The following ARAP3 variants were observed in gnomAD, a reference collection of about 807,000 sequenced individuals.
ARAP3 encodes the protein arf-GAP with Rho-GAP domain, ANK repeat and PH domain-containing protein 3.
A neutral mutation model predicts 169.2 loss-of-function variants in ARAP3; 82 were observed. The observed-to-expected ratio is 0.48, with a 90% confidence interval of 0.41 to 0.58. The LOEUF (loss-of-function observed/expected upper bound fraction) is 0.58, where lower values mean the gene tolerates loss of function less well. ARAP3 is among the 20% of genes least tolerant of loss of function. The pLI is 0.00. For missense variants in ARAP3, 1,764 were observed against 2,018.0 expected (o/e 0.87, Z 2.41); for synonymous variants, 791 against 800.3 (o/e 0.99, Z 0.20).
intron 29 of ARAP3, 55 bp downstream of exon 29, chr5:141,656,009 A>G (rs890622957): frequency 1.5e-5 from 24 of 1,613,974 alleles, no homozygotes; most frequent in Non-Finnish European, 1.9e-5. Context: ...GAGGGAAGAG[A>G]AAAGACAGGG....
rs2099911366 is a variant in ARAP3, at chr5:141,671,047, C to A, written c.1990+218G>T. 6.6e-6 allele frequency among the ~76,000 whole-genome samples: 1 copy of A among 152,192 alleles called. No homozygotes were observed. Among genetic ancestry groups the A allele is most frequent in the African/African-American group, 2.4e-5 (1 of 41,424 alleles). On this transcript the variant is annotated intron_variant, in intron 13 of 32. Coordinates refer to ENST00000239440, the MANE Select transcript of ARAP3 (RefSeq NM_022481.6). The surrounding 1 kb of genome is among the most constrained non-coding windows in gnomAD (Gnocchi z 4.9). ...ATGGGTCGGCCCTGTCAGGGGTGGA[C>A]CAGCACTAGCACCTGGAACACCCAG...
At chr5:141,659,995 T>G (rs145906849) in intron 21 of ARAP3, 69 bp from the exon 22 acceptor site, 52 of 1,496,762 alleles carry the variant, frequency 3.5e-5, no homozygotes, top group Non-Finnish European at 4.6e-5. Context: ...GAGTCCCTAT[T>G]GTATGCCTGG....
At chr5:141,678,398 C>T (rs955805015) in intron 4 of ARAP3, among the ~76,000 whole-genome samples, 2 of 152,216 alleles carry the variant, frequency 1.3e-5, no homozygotes, top group African/African-American at 4.8e-5. Context: ...GTTCCAATCA[C>T]TTGCCCTACC....
chr5:141,679,419 T>C (rs2154599306), intron 4 of ARAP3, 126 bp downstream of exon 4: 3 of 902,504 alleles, frequency 3.3e-6, no homozygotes, highest in Non-Finnish European at 5.2e-6. Context: ...AGGTCTGTGA[T>C]ACTCATCCTG....
rs1304061025 is a variant in ARAP3 at position 141,662,249 on chromosome 5, C to T, written c.2807G>A (p.Arg936Gln). 9.9e-6 allele frequency: 16 copies of T among 1,614,014 alleles called. No individual in the cohort carries two copies. In the East Asian group the frequency reaches 1.1e-4, roughly 11 times the overall value. Reference sequence around the variant, plus strand: ...CCCTTTCCGGTATACACCTTCCAGCCGGAGCCCTGAGGAGAGCCAGCCGTC... The same window carrying T: ...CCCTTTCCGGTATACACCTTCCAGCTGGAGCCCTGAGGAGAGCCAGCCGTC... ...CISFVTQHGL[R>Q]LEGVYRKGGA... The change falls in exon 20 of 33, where the codon CGG (arginine) becomes CAG (glutamine). Residue 936 changes from arginine (R) to glutamine (Q), a missense_variant. By Grantham distance (43) the Arg-to-Gln change is conservative. Around this residue, in one of 3 missense-constraint regions of ARAP3, gnomAD observed 1,112 missense variants for 1,285.7 expected, o/e 0.86. Transcript: ENST00000239440.
In ARAP3 at chr5:141,658,681, G is replaced by A. The variant is rs774101782; in HGVS notation, c.3337-28C>T. 6 of 1,560,120 alleles carry A rather than the reference G, an allele frequency of 3.8e-6. No homozygotes were observed. The South Asian group carries it at 7.2e-5, about 19-fold the overall frequency. On this transcript the variant is annotated intron_variant, in intron 23 of 32. Coordinates refer to ENST00000239440, the MANE Select transcript of ARAP3 (RefSeq NM_022481.6). The stretch of plus-strand genomic sequence containing the variant: ...GAGGGGAGGGGTAAAAAAGTCAGAA[G>A]GGCAAAAAAAGGGTGCAAAAGACAT...
Position 141,680,380 on chromosome 5 carries a change from G to A in ARAP3, c.107C>T (p.Ala36Val). Residue 36 changes from alanine to valine, a missense_variant, in exon 2 of 33, where the codon GCC becomes GTC. This residue lies in a region of ARAP3 where 630 missense variants were observed against 678.7 expected (regional missense o/e 0.93). Coordinates refer to ENST00000239440, the MANE Select transcript of ARAP3 (RefSeq NM_022481.6). Reference sequence around the variant, plus strand: ...CAACTCCTCGTGGCCCAGGCCCCGGGCTGCACCTGCTGTAGCCAGGCCATG... The same window carrying A: ...CAACTCCTCGTGGCCCAGGCCCCGGACTGCACCTGCTGTAGCCAGGCCATG... ...RRHGLATAGA[A>V]RGLGHEELKQ... is the part of the protein sequence containing the mutation. The A allele has an allele frequency of 6.2e-7, 1 of 1,614,132 alleles. No homozygotes were observed. The highest frequency in any genetic ancestry group is 8.5e-7 in the Non-Finnish European group (1 of 1,180,032).
rs763769055 is a variant in ARAP3, at chr5:141,672,860, G to T, written c.1159C>A (p.Pro387Thr). ...CLKEQRLLGH[P>T]RPPQPPRPLR... ...GGTCGGGGTGGTTGGGGGGGCCGGG[G>T]GTGGCCCAGGAGGCGCTGCTCCTTC... is the stretch of plus-strand genomic sequence containing the variant. The change falls in exon 8 of 33, where the codon CCC becomes ACC. Residue 387 changes from proline (P) to threonine (T), a missense_variant. Physicochemically the swap from Pro to Thr is conservative, Grantham distance 38 (BLOSUM62 -1). Transcript: ENST00000239440. This position sits in a 1 kb window ranked among gnomAD's most constrained non-coding sequence, Gnocchi z 4.9. 4.4e-6 allele frequency: 7 copies of T among 1,606,120 alleles called. No individual in the cohort carries two copies. The South Asian group carries it at 7.7e-5, about 18-fold the overall frequency.
Position 141,672,392 on chromosome 5 carries a change from C to A in ARAP3, c.1386-91G>T. ...CCTGCAGGAGCCACCACAGGCCACA[C>A]CTGGGGCAGCCCAGACCCTTCTGAC... is the stretch of plus-strand genomic sequence containing the variant. On this transcript the variant is annotated intron_variant, in intron 9 of 32. Transcript: ENST00000239440. The surrounding 1 kb of genome is among the most constrained non-coding windows in gnomAD (Gnocchi z 4.9). 6.5e-7 allele frequency: 1 copy of A among 1,549,056 alleles called. No homozygotes were observed. Among genetic ancestry groups the A allele is most frequent in the South Asian group, 1.2e-5 (1 of 86,084 alleles).
At chr5:141,673,907 A>C in intron 4 of ARAP3, 99 bp from the exon 5 acceptor site, 1 of 1,041,178 alleles carries the variant, frequency 9.6e-7, no homozygotes, top group Non-Finnish European at 1.4e-6. Context: ...TAAGAATAGA[A>C]TGCCTGGCAG....
rs374302326 is a variant in ARAP3 at position 141,673,778 on chromosome 5, C to T, written c.729G>A (p.Glu243=). ...RLSRQDLEAR[E]DAGYASLELP... ...GCTCAAGGCTGGCATAGCCAGCATC[C>T]TCCCGTGCCTCCAGATCCTGTCTGC... is the stretch of plus-strand genomic sequence containing the variant. The change falls in exon 5 of 33, where the codon GAG becomes GAA. Residue 243 remains glutamate (E), a synonymous_variant. Coordinates refer to ENST00000239440, the MANE Select transcript of ARAP3 (RefSeq NM_022481.6). 7.5e-5 allele frequency: 121 copies of T among 1,614,020 alleles called. No homozygotes were observed. The highest frequency in any genetic ancestry group is 1.0e-4 in the Non-Finnish European group (119 of 1,180,046).
At chr5:141,681,465 C>T (rs142187947) in intron 1 of ARAP3, among the ~76,000 whole-genome samples, 251 of 152,302 alleles carry the variant, frequency 1.6e-3, no homozygotes, top group African/African-American at 5.9e-3. Flanking sequence ...TTCCACCAGC[C>T]TGACCCCGAC....
In ARAP3 at chr5:141,655,258, A is replaced by AC. The variant is rs1554222000; in HGVS notation, c.4149+103dup. The AC allele has an allele frequency of 1.8e-3, 1,944 of 1,109,284 alleles. 10 individuals carry two copies. Among genetic ancestry groups the AC allele is most frequent in the Admixed American group, 8.4e-3 (374 of 44,592 alleles). The allele number at this position is 1,109,284 out of a possible 1,614,324, so 68.7% of individuals were successfully genotyped here. ...CACACACACACACACACACACACAC[A>AC]CCCCCTGATGGCCTACATGAGGAAA... is the stretch of plus-strand genomic sequence containing the variant. On this transcript the variant is annotated intron_variant, in intron 32 of 32. Coordinates refer to ENST00000239440, the MANE Select transcript of ARAP3 (RefSeq NM_022481.6).
At chr5:141,680,591 G>A (rs1159030163) in intron 1 of ARAP3, 88 bp from the exon 2 acceptor site, 2 of 1,441,306 alleles carry the variant, frequency 1.4e-6, no homozygotes, top group Non-Finnish European at 1.8e-6. Context: ...GTGAGCACCA[G>A]CCTCCAATCT....
chr5:141,679,756 G>C lies in ARAP3; in HGVS notation c.586+5C>G, dbSNP rs762773350. 24 of 1,614,146 alleles carry C rather than the reference G, an allele frequency of 1.5e-5. No homozygotes were observed. The highest frequency in any genetic ancestry group is 2.0e-5 in the Non-Finnish European group (24 of 1,180,030). Reference sequence around the variant, plus strand: ...CTCTCCCCCAACCCGTGATAACCCAGTTACCTGTGCCTGTTGTGGGCCTGA... The same window carrying C: ...CTCTCCCCCAACCCGTGATAACCCACTTACCTGTGCCTGTTGTGGGCCTGA... On this transcript the variant is annotated splice_donor_5th_base_variant and intron_variant, in intron 3 of 32. Coordinates refer to ENST00000239440, the MANE Select transcript of ARAP3 (RefSeq NM_022481.6).
Position 141,678,328 on chromosome 5 carries a change from T to A in ARAP3, c.698+1217A>T, listed in dbSNP as rs147605434. Among the ~76,000 whole-genome samples, 137 of 152,262 alleles carry A rather than the reference T, an allele frequency of 9.0e-4. 1 individual carries two copies. The East Asian group carries it at 0.025, about 28-fold the overall frequency. On this transcript the variant is annotated intron_variant, in intron 4 of 32. Coordinates refer to ENST00000239440, the MANE Select transcript of ARAP3 (RefSeq NM_022481.6). ...CGTGGCTCACCTGCCCCAGCCAAGA[T>A]GGCCTGGCCTCCTCACTGCTCCTGG...
chr5:141,670,854 C>A (rs950160164), intron 13 of ARAP3, among the ~76,000 whole-genome samples: 1 of 152,236 alleles, frequency 6.6e-6, no homozygotes, highest in Non-Finnish European at 1.5e-5. Flanking sequence ...CCCACTGCCT[C>A]TCCCTACCAG....
rs773197174 is a variant in ARAP3, at chr5:141,654,413, G to C, written c.4172C>G (p.Ser1391Cys). ...MFFPMKSSQGSVEEQEELEEP... is the reference protein window; with the variant it reads ...MFFPMKSSQGCVEEQEELEEP... ...CTCCAGCTCCTCTTGCTCCTCCACAGACCCCTGGGATGACTTCATTGGCTG... is the reference window on the plus strand; with the variant it reads ...CTCCAGCTCCTCTTGCTCCTCCACACACCCCTGGGATGACTTCATTGGCTG... Residue 1391 changes from serine (S) to cysteine (C), a missense_variant, in exon 33 of 33, where the codon TCT becomes TGT. Ser to Cys is a moderately radical substitution (Grantham distance 112). Transcript: ENST00000239440. The C allele has an allele frequency of 6.3e-7, 1 of 1,591,652 alleles. No individual in the cohort carries two copies. Among genetic ancestry groups the C allele is most frequent in the Non-Finnish European group, 8.6e-7 (1 of 1,167,640 alleles).
Position 141,671,629 on chromosome 5 carries a change from G to C in ARAP3, c.1795C>G (p.Arg599Gly). 6.2e-7 allele frequency: 1 copy of C among 1,614,114 alleles called. No individual in the cohort carries two copies. The highest frequency in any genetic ancestry group is 8.5e-7 in the Non-Finnish European group (1 of 1,179,990). ...PRGEFISRKY[R>G]LGLFRKPHPQ... ...TGGGGCTTCCGGAAGAGACCCAGAC[G>C]GTACTTTCGGGAGATGAACTCTCCC... The change falls in exon 12 of 33, where the codon CGT becomes GGT. Residue 599 changes from arginine (R) to glycine (G), a missense_variant. Arg to Gly is a moderately radical substitution (Grantham distance 125). Around this residue, in one of 3 missense-constraint regions of ARAP3, gnomAD observed 1,112 missense variants for 1,285.7 expected, o/e 0.86. Transcript: ENST00000239440. This position sits in a 1 kb window ranked among gnomAD's most constrained non-coding sequence, Gnocchi z 4.9.
Sources: gnomAD v4.1 joint callset for allele counts (sites outside exome capture counted in the v4.1 genomes callset) on GRCh38, gnomAD v4.1.1 for gene constraint, gnomAD v4.1.1 regional missense constraint, Gnocchi (gnomAD v3.1) non-coding constraint, MANE v1.5 for transcripts, NCBI Gene and HGNC (gene_info 2026-07-23, HGNC 2026-07-21) for gene names.